Variants in OTUD7A observed in about 807,000 individuals in gnomAD.
OTUD7A encodes the protein OTU deubiquitinase 7A, also known as OTU domain-containing protein 7A.
Under a neutral mutation model 65.7 loss-of-function variants are expected in OTUD7A, and 12 were observed. The observed-to-expected ratio is 0.18, with a 90% CI of 0.12 to 0.30. The LOEUF (loss-of-function observed/expected upper bound fraction) is 0.30. Ranked by LOEUF, OTUD7A falls within the 10% of genes least tolerant of loss-of-function variation. OTUD7A has a pLI of 1.00. For synonymous variants in OTUD7A, 641 were observed against 586.3 expected, an observed-to-expected ratio of 1.09 and a Z score of -1.35; for missense variants, 1,148 against 1,304.8, an observed-to-expected ratio of 0.88 and a Z score of 1.85.
At position 31,526,362 on chromosome 15, in the gene OTUD7A, C is replaced by T. The variant is rs755772478; in HGVS notation, c.880G>A (p.Gly294Ser). Residue 294 changes from glycine (G) to serine (S), a missense_variant, in exon 8 of 13, where the codon GGC (glycine) becomes AGC (serine). By Grantham distance (56) the Gly-to-Ser change is moderately conservative (BLOSUM62 0). This residue lies in a region of OTUD7A where 25 missense variants were observed against 18.7 expected (regional missense o/e 1.34). Transcript: ENST00000307050. ...EPRTHFSKNG[G>S]TGGGVDNSED... ...GGCAGCACTTACCCCCCGCCCGTGC[C>T]GCCATTCTTGCTGAAGTGTGTGCGC... 16 of 1,597,190 alleles carry T rather than the reference C, an allele frequency of 1.0e-5. No homozygotes were observed. The highest frequency in any genetic ancestry group is 9.0e-5 in the South Asian group (8 of 88,738).
At chr15:31,558,774 C>T in intron 5 of OTUD7A, 195 bp downstream of exon 5, 1 of 626,404 alleles carries the variant, frequency 1.6e-6, no homozygotes, top group Non-Finnish European at 2.8e-6. Flanking sequence ...AGTTATCGGC[C>T]CCTCCATCCA....
rs539122782 is a variant in OTUD7A, at chr15:31,623,541, C to T, written c.151+31555G>A. On this transcript the variant is annotated intron_variant, in intron 3 of 12. Transcript: ENST00000307050. The stretch of plus-strand genomic sequence containing the variant: ...GCTGTGCTAGCAATGAGCGAGGCTC[C>T]GTGGGCGTGGGACCCTCCGAGCCAG... Among the ~76,000 whole-genome samples, 16 of 152,350 alleles carry T rather than the reference C, an allele frequency of 1.1e-4. 1 individual carries two copies. The South Asian group carries it at 1.4e-3, about 14-fold the overall frequency.
chr15:31,547,181 T>G (rs1018099579), intron 5 of OTUD7A, among the ~76,000 whole-genome samples: 1 of 117,612 alleles, frequency 8.5e-6, no homozygotes. Flanking sequence ...TGGAATGTCT[T>G]CAGAAAACCC....
chr15:31,585,691 A>C (rs1889512639), intron 3 of OTUD7A, among the ~76,000 whole-genome samples: 1 of 152,162 alleles, frequency 6.6e-6, no homozygotes, highest in African/African-American at 2.4e-5. Flanking sequence ...CAACCTCCAG[A>C]TTCTTATGTG....
chr15:31,548,126 A>G (rs1227201026), intron 5 of OTUD7A, among the ~76,000 whole-genome samples: 4 of 148,888 alleles, frequency 2.7e-5, no homozygotes, highest in Admixed American at 6.7e-5. Context: ...GGACTTGGGG[A>G]TCAGTCACTC....
At chr15:31,838,976 G>A (rs1247088913) in intron 1 of OTUD7A, among the ~76,000 whole-genome samples, 7 of 152,208 alleles carry the variant, frequency 4.6e-5, no homozygotes, top group Non-Finnish European at 1.5e-5. Context: ...AGATCCGATG[G>A]ACTGGAGGAC....
intron 5 of OTUD7A, among the ~76,000 whole-genome samples, chr15:31,547,591 T>A (rs762466835): frequency 6.6e-6 from 1 of 152,214 alleles, no homozygotes; most frequent in Admixed American, 6.5e-5. Flanking sequence ...AGTGACTTAA[T>A]GAATATTTTT....
At chr15:31,518,090 C>T (rs1031188541) in intron 8 of OTUD7A, among the ~76,000 whole-genome samples, 2 of 152,082 alleles carry the variant, frequency 1.3e-5, no homozygotes, top group African/African-American at 2.4e-5. Context: ...CACTTTCCTT[C>T]CCCCAAATGA....
At position 31,663,047 on chromosome 15, in the gene OTUD7A, T is replaced by C. The variant is rs370212091; in HGVS notation, c.-99-5970A>G. Reference sequence around the variant, plus strand: ...ACAATCATATCAAATGCAAATATAGTTTGTGTTAACTCTTTTTTTTTTTGA... The same window carrying C: ...ACAATCATATCAAATGCAAATATAGCTTGTGTTAACTCTTTTTTTTTTTGA... On this transcript the variant is annotated intron_variant, in intron 1 of 12. Transcript: ENST00000307050. 7.9e-5 allele frequency among the ~76,000 whole-genome samples: 11 copies of C among 139,562 alleles called. No homozygotes were observed. The South Asian group carries it at 1.6e-3, about 20-fold the overall frequency. The allele number at this position is 139,562 out of a possible 152,430, so 91.6% of individuals were successfully genotyped here. A position where few individuals can be genotyped will look rare whatever the true frequency, so the allele number is the denominator to read the frequency against.
At chr15:31,558,867 A>C in intron 5 of OTUD7A, 102 bp downstream of exon 5, 1 of 1,289,854 alleles carries the variant, frequency 7.8e-7, no homozygotes, top group Non-Finnish European at 1.1e-6. Flanking sequence ...AACTGCCCAG[A>C]GTCTGAGAAC....
intron 1 of OTUD7A, among the ~76,000 whole-genome samples, chr15:31,672,986 A>G (rs750263550): frequency 7.2e-5 from 11 of 152,238 alleles, no homozygotes; most frequent in Non-Finnish European, 1.5e-4. Flanking sequence ...TATAGCTGTC[A>G]TTACAGTCAT....
intron 3 of OTUD7A, among the ~76,000 whole-genome samples, chr15:31,651,047 C>A (rs1296960024): frequency 7.7e-6 from 1 of 129,994 alleles, no homozygotes; most frequent in East Asian, 2.4e-4. Context: ...GAATAACAGA[C>A]AAAGCTTGAA....
At chr15:31,681,505 A>G (rs970516335) in intron 1 of OTUD7A, among the ~76,000 whole-genome samples, 2 of 151,442 alleles carry the variant, frequency 1.3e-5, no homozygotes, top group African/African-American at 4.9e-5. Context: ...CTTTCAATCT[A>G]TCTTGTTTGT....
At chr15:31,781,103 A>T (rs903614621) in intron 1 of OTUD7A, among the ~76,000 whole-genome samples, 1 of 151,892 alleles carries the variant, frequency 6.6e-6, no homozygotes, top group African/African-American at 2.4e-5. Context: ...CCTTCCAGTG[A>T]GAGGAGGGGT....
chr15:31,867,077 G>A (rs1337531028), intron 1 of OTUD7A, among the ~76,000 whole-genome samples: 1 of 152,094 alleles, frequency 6.6e-6, no homozygotes, highest in African/African-American at 2.4e-5. Context: ...GACCATCTAA[G>A]CATGGGAAAC....
At chr15:31,560,239 A>G (rs1352950288) in intron 4 of OTUD7A, among the ~76,000 whole-genome samples, 1 of 152,206 alleles carries the variant, frequency 6.6e-6, no homozygotes, top group Admixed American at 6.5e-5. Flanking sequence ...ACGCTGATAA[A>G]TGCCTCCTAC....
At chr15:31,541,729 TA>T (rs1188020222) in intron 5 of OTUD7A, among the ~76,000 whole-genome samples, 2 of 152,170 alleles carry the variant, frequency 1.3e-5, no homozygotes, top group South Asian at 4.1e-4. Context: ...TTTAACTGTT[TA>T]ATCACTTCAT....
At chr15:31,744,615 G>A (rs140212963) in intron 1 of OTUD7A, among the ~76,000 whole-genome samples, 101 of 152,102 alleles carry the variant, frequency 6.6e-4, no homozygotes, top group Non-Finnish European at 1.1e-3. Flanking sequence ...ATGATGAAAC[G>A]TTGAATTATT....
intron 1 of OTUD7A, among the ~76,000 whole-genome samples, chr15:31,757,906 C>T (rs1012094257): frequency 2.6e-5 from 4 of 152,240 alleles, no homozygotes; most frequent in African/African-American, 7.2e-5. Flanking sequence ...CACTGATGAT[C>T]GTTAGAACAG....
Sources: gnomAD v4.1 joint callset for allele counts (sites outside exome capture counted in the v4.1 genomes callset) on GRCh38, gnomAD v4.1.1 for gene constraint, gnomAD v4.1.1 regional missense constraint, MANE v1.5 for transcripts, NCBI Gene and HGNC (gene_info 2026-07-23, HGNC 2026-07-21) for gene names.